The following L3MBTL1 variants were observed in gnomAD, a reference collection of about 807,000 sequenced individuals.
The protein encoded by L3MBTL1 is lethal(3)malignant brain tumor-like protein 1.
L3MBTL1 carries 75 observed loss-of-function variants against 105.3 expected under a neutral mutation model. That is an observed-to-expected ratio of 0.71 (90% CI 0.59 to 0.86). The LOEUF is 0.86. Among genes scored for constraint, L3MBTL1 ranks in the 40% least tolerant of loss-of-function variants. L3MBTL1 has a pLI of 0.00. For missense variants in L3MBTL1, 1,069 were observed against 1,126.4 expected, an observed-to-expected ratio of 0.95 and a Z score of 0.73; for synonymous variants, 452 against 436.2, an observed-to-expected ratio of 1.04 and a Z score of -0.45.
chr20:43,539,562 C>T (rs1462199067), intron 19 of L3MBTL1: 1 of 178,400 alleles, frequency 5.6e-6, no homozygotes, highest in Non-Finnish European at 1.2e-5. Context: ...GGATCACCCT[C>T]TAGTGCTGGC....
intron 7 of L3MBTL1, among the ~76,000 whole-genome samples, chr20:43,528,356 C>T (rs2019141340): frequency 6.6e-6 from 1 of 152,216 alleles, no homozygotes; most frequent in South Asian, 2.1e-4. Flanking sequence ...GACAGGGTCC[C>T]TCTGTGGCTG....
At chr20:43,537,103 C>G (rs2019670572) in intron 19 of L3MBTL1, among the ~76,000 whole-genome samples, 1 of 152,238 alleles carries the variant, frequency 6.6e-6, no homozygotes, top group African/African-American at 2.4e-5. Context: ...AGCTGGCATT[C>G]CAACTCGGAT....
At chr20:43,540,038 C>T (rs139066245) in intron 19 of L3MBTL1, 113 bp from the exon 20 acceptor site, 20 of 1,240,868 alleles carry the variant, frequency 1.6e-5, no homozygotes, top group East Asian at 7.4e-5. Context: ...AGAAGGGGCC[C>T]GGAGTCCTGT....
rs967333418 is a variant in L3MBTL1, at chr20:43,507,701, C to G, written c.-72C>G. On this transcript the variant is annotated 5_prime_UTR_variant, in exon 1 of 22. Transcript: ENST00000418998. ...ACGCGCAGGCGCGCGGCGCCCGGCT[C>G]GGACCGTAGCTAGGCGCTGGGCGGC... The G allele has an allele frequency of 6.6e-6, 1 of 152,070 alleles. No individual in the cohort carries two copies. Among genetic ancestry groups the G allele is most frequent in the Non-Finnish European group, 1.5e-5 (1 of 67,996 alleles). 9.4% of individuals were successfully genotyped at this position (152,070 alleles called of 1,614,324 possible).
intron 7 of L3MBTL1, among the ~76,000 whole-genome samples, chr20:43,520,409 A>G (rs2018647179): frequency 6.6e-6 from 1 of 152,178 alleles, no homozygotes; most frequent in Non-Finnish European, 1.5e-5. Flanking sequence ...TCTTGGGTAT[A>G]TACTTAGGGG....
At chr20:43,520,184 C>T (rs1444767738) in intron 7 of L3MBTL1, among the ~76,000 whole-genome samples, 2 of 152,178 alleles carry the variant, frequency 1.3e-5, no homozygotes, top group Non-Finnish European at 2.9e-5. Context: ...GTATGCCTGG[C>T]TCTTCACTTA....
At chr20:43,507,803 C>A (rs1444154760) in intron 1 of L3MBTL1, 59 bp downstream of exon 1, 2 of 152,192 alleles carry the variant, frequency 1.3e-5, no homozygotes, top group Admixed American at 6.5e-5. Context: ...CGCGCCACCC[C>A]GCTCCGTCCA....
In L3MBTL1 at chr20:43,532,847, C is replaced by T. The variant is rs768197424; in HGVS notation, c.1359C>T (p.Cys453=). ...AVDRMNPSLV[C]VASVTDVVDS... The stretch of plus-strand genomic sequence containing the variant: ...ACCGCATGAACCCGTCCCTTGTCTG[C>T]GTGGCCAGTGTGACCGATGTGGTGG... The change falls in exon 12 of 22, where the codon TGC becomes TGT. Residue 453 remains cysteine (C), a synonymous_variant. Transcript: ENST00000418998. 27 of 1,614,170 alleles carry T rather than the reference C, an allele frequency of 1.7e-5. No individual in the cohort carries two copies. The African/African-American group carries it at 2.7e-4, about 16-fold the overall frequency.
At chr20:43,510,265 G>T (rs2018096227) in intron 1 of L3MBTL1, among the ~76,000 whole-genome samples, 1 of 152,184 alleles carries the variant, frequency 6.6e-6, no homozygotes, top group Non-Finnish European at 1.5e-5. Flanking sequence ...CTCCCAAAGT[G>T]CTGGGATTAT....
At chr20:43,516,720 G>A (rs2018411734) in intron 7 of L3MBTL1, among the ~76,000 whole-genome samples, 1 of 151,634 alleles carries the variant, frequency 6.6e-6, no homozygotes, top group Non-Finnish European at 1.5e-5. Flanking sequence ...TTTGTTTAAT[G>A]TCTCTCTTCT....
At chr20:43,514,500 C>G (rs761035806) in intron 3 of L3MBTL1, 135 bp from the exon 4 acceptor site, 4 of 1,539,792 alleles carry the variant, frequency 2.6e-6, no homozygotes, top group Non-Finnish European at 3.5e-6. Flanking sequence ...TGGAGTGAGG[C>G]CCCCTGGCGT....
chr20:43,526,940 C>G (rs539308036), intron 7 of L3MBTL1, among the ~76,000 whole-genome samples: 22 of 152,286 alleles, frequency 1.4e-4, no homozygotes, highest in African/African-American at 5.3e-4. Flanking sequence ...GAGTGAGACT[C>G]TGTCTCAAAA....
Position 43,515,322 on chromosome 20 carries a change from TA to T in L3MBTL1, c.685del (p.Thr229ProfsTer10). The T allele has an allele frequency of 6.3e-7, 1 of 1,593,888 alleles. No individual in the cohort carries two copies. The highest frequency in any genetic ancestry group is 8.6e-7 in the Non-Finnish European group (1 of 1,169,074). On this transcript the variant is annotated frameshift_variant, in exon 6 of 22. Coordinates refer to ENST00000418998, the MANE Select transcript of L3MBTL1 (RefSeq NM_001377303.1). LOFTEE classifies it high-confidence loss of function. Reference sequence around the variant, plus strand: ...TCATAGTGGAGAACTCCTCAGGCTCTACCAGCGCTTCTGAGCTCCTCAAACC... The same window carrying T: ...TCATAGTGGAGAACTCCTCAGGCTCTCCAGCGCTTCTGAGCTCCTCAAACC... ...SVIVENSSGSTSASELLKPMK... is the reference protein window; with the variant it reads ...SVIVENSSGSXSASELLKPMK...
chr20:43,510,291 C>T (rs1001150068), intron 1 of L3MBTL1, among the ~76,000 whole-genome samples: 19 of 152,250 alleles, frequency 1.2e-4, no homozygotes, highest in Admixed American at 4.6e-4. Context: ...TGAGCCACCA[C>T]GTCCAGCCTA....
chr20:43,530,659 G>A (rs2019288413), intron 10 of L3MBTL1, 139 bp from the exon 11 acceptor site: 1 of 857,932 alleles, frequency 1.2e-6, no homozygotes, highest in African/African-American at 1.7e-5. Context: ...TGCTTCAGTA[G>A]TGGGGAATCC....
downstream of L3MBTL1, among the ~76,000 whole-genome samples, chr20:43,543,845 C>T (rs905738812): frequency 1.3e-5 from 2 of 152,232 alleles, no homozygotes; most frequent in East Asian, 1.9e-4. Flanking sequence ...CCAGTCCTCT[C>T]TTTGTCATCT....
chr20:43,514,326 C>A, intron 3 of L3MBTL1: 1 of 1,072,526 alleles, frequency 9.3e-7, no homozygotes, highest in Non-Finnish European at 1.3e-6. Flanking sequence ...GACTGGGGCA[C>A]CCTGAGTGGG....
chr20:43,534,755 A>G, intron 15 of L3MBTL1, 73 bp from the exon 16 acceptor site: 2 of 1,053,752 alleles, frequency 1.9e-6, no homozygotes, highest in Non-Finnish European at 1.4e-6. Flanking sequence ...GGTCCCAGGG[A>G]TGGGGAGAGG....
chr20:43,519,829 AG>A (rs2018614421), intron 7 of L3MBTL1, among the ~76,000 whole-genome samples: 1 of 152,186 alleles, frequency 6.6e-6, no homozygotes, highest in South Asian at 2.1e-4. Context: ...GTGTCTTTTA[AG>A]GAGCAGAAAG....
Sources: allele counts gnomAD v4.1 joint callset (sites outside exome capture counted in the v4.1 genomes callset), GRCh38; gene constraint gnomAD v4.1.1; transcripts MANE v1.5; gene names NCBI Gene and HGNC (gene_info 2026-07-23, HGNC 2026-07-21).